RBM25: variants seen among roughly 807,000 people sequenced by gnomAD.
RBM25 encodes RNA binding motif protein 25, also known as RNA-binding protein 25.
In RBM25, 19 loss-of-function variants were observed where a neutral mutation model predicts 120.7. That is an observed-to-expected ratio of 0.16 (90% CI 0.11 to 0.23). RBM25 has a LOEUF of 0.23. Ranked by LOEUF, RBM25 falls within the 10% of genes least tolerant of loss-of-function variation. RBM25 has a pLI of 1.00. For synonymous variants in RBM25, 390 were observed against 326.7 expected, an observed-to-expected ratio of 1.19 and a Z score of -2.09; for missense variants, 605 against 1,041.5, an observed-to-expected ratio of 0.58 and a Z score of 5.77.
intron 4 of RBM25, among the ~76,000 whole-genome samples, chr14:73,083,041 C>T (rs1192411283): frequency 6.6e-6 from 1 of 152,166 alleles, no homozygotes; most frequent in Non-Finnish European, 1.5e-5. Context: ...GATCACGCCA[C>T]TGCACTCCAG....
At chr14:73,078,391 C>T (rs887028746) in intron 4 of RBM25, among the ~76,000 whole-genome samples, 1 of 151,658 alleles carries the variant, frequency 6.6e-6, no homozygotes, top group African/African-American at 2.4e-5. Context: ...GTTCAGAATC[C>T]GAGGTGGGAG....
chr14:73,110,702 T>G (rs1228916078), intron 14 of RBM25, 129 bp from the exon 15 acceptor site: 20 of 1,142,610 alleles, frequency 1.8e-5, no homozygotes, highest in Non-Finnish European at 2.4e-5. Context: ...GTGCTGGGAT[T>G]ACAGGCATGA....
At chr14:73,111,249 T>C (rs1896305250) in intron 15 of RBM25, 94 bp downstream of exon 15, 2 of 1,114,190 alleles carry the variant, frequency 1.8e-6, no homozygotes, top group South Asian at 1.6e-5. Flanking sequence ...TATTTGTGCT[T>C]GGTTAGGTAG....
In RBM25 at chr14:73,122,187, T is replaced by C. The variant is rs1196359236; in HGVS notation, c.*2382T>C. On this transcript the variant is annotated 3_prime_UTR_variant, in exon 19 of 19. Transcript: ENST00000261973. ...TTACCATAATCTCATAAATTAATTT[T>C]AGTTTGAAAACCTTATACAGTATGA... 6.6e-6 allele frequency: 1 copy of C among 151,668 alleles called. No homozygotes were observed. The highest frequency in any genetic ancestry group is 1.5e-5 in the Non-Finnish European group (1 of 67,680). 9.4% of individuals were successfully genotyped at this position (151,668 alleles called of 1,614,324 possible).
At chr14:73,117,048 T>A (rs1220355228) in intron 18 of RBM25, among the ~76,000 whole-genome samples, 1 of 152,090 alleles carries the variant, frequency 6.6e-6, no homozygotes, top group Non-Finnish European at 1.5e-5. Flanking sequence ...TGTGCCTACA[T>A]CTCTCTGAAG....
chr14:73,109,559 C>T lies in RBM25; in HGVS notation c.1692+67C>T, dbSNP rs111651887. ...CTGTAATCCCAGCTCTTTGGGAGGC[C>T]GAGGCGGGCGGATCACGAGGTCGGG... On this transcript the variant is annotated intron_variant, in intron 14 of 18. Transcript: ENST00000261973. 6.3e-4 allele frequency: 917 copies of T among 1,459,920 alleles called. 5 individuals carry two copies. The highest frequency in any genetic ancestry group is 1.8e-3 in the African/African-American group (124 of 70,412). The allele number at this position is 1,459,920 out of a possible 1,614,324, so 90.4% of individuals were successfully genotyped here.
rs759473569 is a variant in RBM25 at position 73,081,989 on chromosome 14, G to A, written c.325-1505G>A. On this transcript the variant is annotated intron_variant, in intron 4 of 18. Transcript: ENST00000261973. ...GGTCACTTACTTGGTGGGCCATTTC[G>A]TTCTGGAGCCTTTTTTCAGGAGAAA... Among the ~76,000 whole-genome samples the A allele has an allele frequency of 3.5e-4, 54 of 152,114 alleles. 1 individual carries two copies. Among genetic ancestry groups the A allele is most frequent in the Non-Finnish European group, 2.1e-4 (14 of 68,018 alleles).
At position 73,058,546 on chromosome 14, in the gene RBM25, GC is replaced by G. The variant is rs1195184100; in HGVS notation, c.-174del. ...CCGGGCAAGAGGAAGACCTCCATCA[GC>G]TCGCCGCGCAGCGCGGCTGTATTTG... On this transcript the variant is annotated 5_prime_UTR_variant, in exon 1 of 19. Coordinates refer to ENST00000261973, the MANE Select transcript of RBM25 (RefSeq NM_021239.3). The G allele has an allele frequency of 6.6e-6, 1 of 152,214 alleles. No homozygotes were observed. The highest frequency in any genetic ancestry group is 1.9e-4 in the East Asian group (1 of 5,186). The allele number at this position is 152,214 out of a possible 1,614,324, so 9.4% of individuals were successfully genotyped here. A position where few individuals can be genotyped will look rare whatever the true frequency, so the allele number is the denominator to read the frequency against.
At chr14:73,103,948 T>TCTCTCTCTCTCACACACACA (rs1594928335) in intron 10 of RBM25, among the ~76,000 whole-genome samples, 2 of 91,434 alleles carry the variant, frequency 2.2e-5, no homozygotes, top group Non-Finnish European at 2.4e-5. Context: ...TCTCTCTCTC[T>TCTCTCTCTCTCACACACACA]CACACACACA....
Position 73,083,552 on chromosome 14 carries a change from G to A in RBM25, c.382+1G>A. 1 of 1,568,432 alleles carries A rather than the reference G, an allele frequency of 6.4e-7. No individual in the cohort carries two copies. The highest frequency in any genetic ancestry group is 8.6e-7 in the Non-Finnish European group (1 of 1,166,304). On this transcript the variant is annotated splice_donor_variant, in intron 5 of 18. Transcript: ENST00000261973. LOFTEE classifies it high-confidence loss of function. ...CAAGGTGCTTCCGGAAAGCTTCAAG[G>A]TATGTCATTTTTTTCCTTATTTGCT... is the stretch of plus-strand genomic sequence containing the variant.
At chr14:73,077,290 C>T (rs1895446325) in intron 3 of RBM25, 79 bp from the exon 4 acceptor site, 2 of 1,244,360 alleles carry the variant, frequency 1.6e-6, no homozygotes, top group Admixed American at 4.5e-5. Context: ...TTATTTAATC[C>T]TGATGTTTTT....
chr14:73,108,409 A>T (rs1445789353), intron 13 of RBM25, among the ~76,000 whole-genome samples: 1 of 152,174 alleles, frequency 6.6e-6, no homozygotes, highest in Non-Finnish European at 1.5e-5. Flanking sequence ...GGGTTTTTCT[A>T]GAAATTTTGG....
At chr14:73,119,103 T>C (rs1896493518) in intron 18 of RBM25, among the ~76,000 whole-genome samples, 1 of 152,018 alleles carries the variant, frequency 6.6e-6, no homozygotes, top group Non-Finnish European at 1.5e-5. Context: ...TTTCTCACAC[T>C]GGACAAATTT....
At chr14:73,099,244 G>A in intron 7 of RBM25, 136 bp from the exon 8 acceptor site, 1 of 751,768 alleles carries the variant, frequency 1.3e-6, no homozygotes, top group Non-Finnish European at 2.1e-6. Context: ...CTATTCCCAA[G>A]TAATTTGAAA....
At chr14:73,094,293 A>G (rs1406307266) in intron 6 of RBM25, among the ~76,000 whole-genome samples, 1 of 151,108 alleles carries the variant, frequency 6.6e-6, no homozygotes, top group Non-Finnish European at 1.5e-5. Flanking sequence ...TTTTTTAAAT[A>G]TTAGCAATCA....
At chr14:73,077,266 T>C (rs1895444192) in intron 3 of RBM25, 103 bp from the exon 4 acceptor site, 2 of 971,086 alleles carry the variant, frequency 2.1e-6, no homozygotes, top group Non-Finnish European at 3.0e-6. Context: ...GCTTAAATAA[T>C]GTGCTATATA....
At chr14:73,118,319 G>C (rs967887862) in intron 18 of RBM25, among the ~76,000 whole-genome samples, 15 of 151,892 alleles carry the variant, frequency 9.9e-5, no homozygotes, top group Non-Finnish European at 1.6e-4. Flanking sequence ...CTACTAAAAA[G>C]CACAAAAATG....
intron 9 of RBM25, chr14:73,101,133 A>G (rs187131871): frequency 6.6e-6 from 1 of 152,320 alleles, no homozygotes; most frequent in Admixed American, 6.5e-5. Flanking sequence ...GAATGTTTTG[A>G]ATTTTCAGAA....
chr14:73,061,335 G>A (rs559918682), intron 1 of RBM25, among the ~76,000 whole-genome samples: 1 of 151,282 alleles, frequency 6.6e-6, no homozygotes, highest in South Asian at 2.1e-4. Context: ...TTGGGATTGC[G>A]TGAGCCACCG....
Sources: allele counts gnomAD v4.1 joint callset (sites outside exome capture counted in the v4.1 genomes callset), GRCh38; gene constraint gnomAD v4.1.1; transcripts MANE v1.5; gene names NCBI Gene and HGNC (gene_info 2026-07-23, HGNC 2026-07-21).